DENND5B: variants seen among roughly 807,000 people sequenced by gnomAD.
DENND5B encodes DENN domain containing 5B, also known as DENN domain-containing protein 5B.
In DENND5B, 34 loss-of-function variants were observed where a neutral mutation model predicts 140.6. That is an observed-to-expected ratio of 0.24 (90% confidence interval 0.18 to 0.32). The LOEUF (loss-of-function observed/expected upper bound fraction) is 0.32, where lower values mean the gene tolerates loss of function less well. DENND5B is among the 10% of genes least tolerant of loss of function. The pLI is 1.00. For synonymous variants in DENND5B, 551 were observed against 562.1 expected, an observed-to-expected ratio of 0.98 and a Z score of 0.28; for missense variants, 1,142 against 1,560.2, an observed-to-expected ratio of 0.73 and a Z score of 4.52.
chr12:31,433,699 T>C (rs149568260), intron 7 of DENND5B, among the ~76,000 whole-genome samples: 19 of 152,156 alleles, frequency 1.2e-4, no homozygotes, highest in Admixed American at 3.3e-4. Flanking sequence ...CCTAAAAGAA[T>C]AGAAATGTAT....
intron 17 of DENND5B, 119 bp from the exon 18 acceptor site, chr12:31,392,815 C>T: frequency 4.1e-6 from 4 of 976,646 alleles, no homozygotes; most frequent in South Asian, 1.8e-5. Flanking sequence ...CTGGCTTTGC[C>T]AGGGGCTCCA....
intron 3 of DENND5B, among the ~76,000 whole-genome samples, chr12:31,469,900 C>T (rs1289990897): frequency 4.6e-5 from 7 of 152,056 alleles, no homozygotes; most frequent in Admixed American, 1.3e-4. Context: ...TCCCAAGGCC[C>T]TCATCAGAAG....
At chr12:31,419,029 A>T (rs1032267022) in intron 11 of DENND5B, among the ~76,000 whole-genome samples, 2 of 152,194 alleles carry the variant, frequency 1.3e-5, no homozygotes. Flanking sequence ...CTCTGGAGAG[A>T]AGAGTTTAAA....
At chr12:31,518,078 G>A (rs1203909101) in intron 1 of DENND5B, among the ~76,000 whole-genome samples, 1 of 152,188 alleles carries the variant, frequency 6.6e-6, no homozygotes, top group Non-Finnish European at 1.5e-5. Context: ...TGGAGAGGCA[G>A]GGAAAGAGCT....
chr12:31,532,077 T>C (rs1351417634), intron 1 of DENND5B, among the ~76,000 whole-genome samples: 2 of 152,172 alleles, frequency 1.3e-5, no homozygotes, highest in Non-Finnish European at 2.9e-5. Flanking sequence ...CTGACATTAA[T>C]CAAAGGAATG....
At chr12:31,412,868 T>C (rs1365329337) in intron 13 of DENND5B, among the ~76,000 whole-genome samples, 1 of 152,204 alleles carries the variant, frequency 6.6e-6, no homozygotes, top group African/African-American at 2.4e-5. Context: ...ATCTTTTGGA[T>C]GTTACTGTCA....
At chr12:31,494,194 ATCCAT>A (rs1197415979) in intron 2 of DENND5B, among the ~76,000 whole-genome samples, 905 of 85,620 alleles carry the variant, frequency 0.011, 16 homozygotes, top group East Asian at 0.017. Context: ...CCATCCATCC[ATCCAT>A]CCACCTACCT....
intron 14 of DENND5B, among the ~76,000 whole-genome samples, chr12:31,404,335 C>A (rs1227008775): frequency 2.0e-5 from 3 of 152,192 alleles, no homozygotes; most frequent in Admixed American, 2.0e-4. Flanking sequence ...GTAGCTCTGT[C>A]GCCCAGTCTG....
chr12:31,509,297 GTAT>G (rs1325489546), intron 1 of DENND5B, among the ~76,000 whole-genome samples: 3 of 152,158 alleles, frequency 2.0e-5, no homozygotes, highest in Non-Finnish European at 4.4e-5. Flanking sequence ...AGCCATCTAA[GTAT>G]TATTATCCAC....
At chr12:31,417,282 G>A (rs543864292) in intron 11 of DENND5B, among the ~76,000 whole-genome samples, 13 of 149,702 alleles carry the variant, frequency 8.7e-5, no homozygotes, top group African/African-American at 2.7e-4. Flanking sequence ...GCATGAACCC[G>A]GGATGCAGAG....
intron 4 of DENND5B, among the ~76,000 whole-genome samples, chr12:31,459,277 T>G (rs1263708490): frequency 6.6e-6 from 1 of 151,994 alleles, no homozygotes; most frequent in African/African-American, 2.4e-5. Flanking sequence ...ATCAGAAATA[T>G]GCTTTCAATA....
intron 6 of DENND5B, among the ~76,000 whole-genome samples, chr12:31,445,158 C>A (rs1475645564): frequency 6.6e-6 from 1 of 152,156 alleles, no homozygotes; most frequent in African/African-American, 2.4e-5. Flanking sequence ...TAGGTATCTG[C>A]TTATCTGGCA....
chr12:31,454,938 C>A lies in DENND5B; in HGVS notation c.1093-2462G>T, dbSNP rs549082819. On this transcript the variant is annotated intron_variant, in intron 4 of 20. Transcript: ENST00000389082. The stretch of plus-strand genomic sequence containing the variant: ...GGTTCACGCCATTCTCCTGCCTCAG[C>A]CTCCCAAGTAGCTGGGACTACAGGT... Among the ~76,000 whole-genome samples, 334 of 150,824 alleles carry A rather than the reference C, an allele frequency of 2.2e-3. 2 individuals carry two copies. The highest frequency in any genetic ancestry group is 2.9e-3 in the Non-Finnish European group (196 of 67,890).
At chr12:31,491,612 A>G (rs567542075) in intron 2 of DENND5B, among the ~76,000 whole-genome samples, 1 of 152,328 alleles carries the variant, frequency 6.6e-6, no homozygotes, top group African/African-American at 2.4e-5. Flanking sequence ...CAATGTTGAC[A>G]TATGTTAGTT....
At chr12:31,452,625 A>G in intron 4 of DENND5B, 149 bp from the exon 5 acceptor site, 1 of 791,582 alleles carries the variant, frequency 1.3e-6, no homozygotes, top group African/African-American at 1.7e-5. Flanking sequence ...GGGGTTCGAG[A>G]CAAGACTGGG....
intron 1 of DENND5B, among the ~76,000 whole-genome samples, chr12:31,560,454 T>C (rs1786572846): frequency 6.6e-6 from 1 of 152,242 alleles, no homozygotes; most frequent in Non-Finnish European, 1.5e-5. Context: ...TGCTACTATG[T>C]GGCCTGAGCC....
chr12:31,395,964 G>T (rs1267405797), intron 17 of DENND5B, among the ~76,000 whole-genome samples: 1 of 85,884 alleles, frequency 1.2e-5, no homozygotes, highest in Non-Finnish European at 2.3e-5. Context: ...AAAAAAAAAA[G>T]CAAGGTGTCA....
intron 2 of DENND5B, among the ~76,000 whole-genome samples, chr12:31,486,470 C>G (rs891739528): frequency 6.6e-6 from 1 of 152,122 alleles, no homozygotes; most frequent in Non-Finnish European, 1.5e-5. Context: ...TAAGAAAAAC[C>G]CTTAGGTCAA....
At chr12:31,512,507 G>C (rs1671925025) in intron 1 of DENND5B, among the ~76,000 whole-genome samples, 1 of 151,760 alleles carries the variant, frequency 6.6e-6, no homozygotes, top group African/African-American at 2.4e-5. Flanking sequence ...GCTGGGATTA[G>C]AGGCATGAGC....
Sources: gnomAD v4.1 joint callset for allele counts (sites outside exome capture counted in the v4.1 genomes callset) on GRCh38, gnomAD v4.1.1 for gene constraint, MANE v1.5 for transcripts, NCBI Gene and HGNC (gene_info 2026-07-23, HGNC 2026-07-21) for gene names.